MINDY4: variants seen among roughly 807,000 people sequenced by gnomAD.
MINDY4 encodes MINDY lysine 48 deubiquitinase 4, also known as probable ubiquitin carboxyl-terminal hydrolase MINDY-4.
In MINDY4, 68 loss-of-function variants were observed where a neutral mutation model predicts 87.0. That is an observed-to-expected ratio of 0.78 (90% CI 0.64 to 0.96). MINDY4 has a LOEUF of 0.96. Among genes scored for constraint, MINDY4 ranks in the 40% least tolerant of loss-of-function variants. MINDY4 has a pLI of 0.00. For missense variants in MINDY4, 919 were observed against 928.2 expected (o/e 0.99, Z 0.13); for synonymous variants, 379 against 363.2 (o/e 1.04, Z -0.50).
intron 5 of MINDY4, among the ~76,000 whole-genome samples, chr7:30,819,040 A>G (rs970586340): frequency 5.9e-5 from 9 of 152,058 alleles, no homozygotes; most frequent in African/African-American, 1.2e-4. Context: ...TGTTGAATCT[A>G]TTATTTTTTA....
chr7:30,840,674 G>A (rs1789002312), intron 8 of MINDY4, 86 bp from the exon 9 acceptor site: 4 of 1,130,138 alleles, frequency 3.5e-6, no homozygotes, highest in Admixed American at 2.0e-5. Context: ...TACTCTATCA[G>A]GTGGGTTCTG....
At chr7:30,839,835 C>T (rs1030102810) in intron 8 of MINDY4, among the ~76,000 whole-genome samples, 2 of 152,180 alleles carry the variant, frequency 1.3e-5, no homozygotes, top group African/African-American at 2.4e-5. Context: ...GCTGGGCCAG[C>T]GGAGGCCAAT....
intron 5 of MINDY4, among the ~76,000 whole-genome samples, chr7:30,796,121 C>CATTTTT (rs148191490): frequency 6.7e-6 from 1 of 149,850 alleles, no homozygotes. Context: ...GAGCACTGTA[C>CATTTTT]TTTTTTTTTT....
chr7:30,790,263 C>T (rs541897733), intron 4 of MINDY4, among the ~76,000 whole-genome samples: 7 of 152,170 alleles, frequency 4.6e-5, no homozygotes, highest in African/African-American at 1.7e-4. Context: ...AAGTACAGTG[C>T]ATGAGCCACA....
Position 30,828,812 on chromosome 7 carries a change from G to A in MINDY4, c.1132+75G>A, listed in dbSNP as rs1584285147. 1.3e-5 allele frequency: 19 copies of A among 1,500,678 alleles called. No individual in the cohort carries two copies. The East Asian group carries it at 3.8e-4, about 30-fold the overall frequency. The allele number at this position is 1,500,678 out of a possible 1,614,324, so 93.0% of individuals were successfully genotyped here. A position where few individuals can be genotyped will look rare whatever the true frequency, so the allele number is the denominator to read the frequency against. On this transcript the variant is annotated intron_variant, in intron 6 of 17. Transcript: ENST00000265299. Reference sequence around the variant, plus strand: ...CCTCGTTGGCTCTGTCTGGGAGATGGGTGGTCGGGGGCCCCTTTCCTTCCA... The same window carrying A: ...CCTCGTTGGCTCTGTCTGGGAGATGAGTGGTCGGGGGCCCCTTTCCTTCCA...
chr7:30,840,963 T>A (rs1319700714), intron 9 of MINDY4, 115 bp downstream of exon 9: 9 of 917,854 alleles, frequency 9.8e-6, no homozygotes, highest in Non-Finnish European at 1.5e-5. Context: ...CTTCTGCAGG[T>A]CAAGAAAGGA....
chr7:30,835,025 C>G (rs1207708901), intron 6 of MINDY4, among the ~76,000 whole-genome samples: 1 of 152,220 alleles, frequency 6.6e-6, no homozygotes, highest in Non-Finnish European at 1.5e-5. Flanking sequence ...CCAAACTGTT[C>G]CAGCTTCTGC....
At chr7:30,888,647 C>G (rs1329699778) in intron 17 of MINDY4, among the ~76,000 whole-genome samples, 1 of 152,166 alleles carries the variant, frequency 6.6e-6, no homozygotes, top group Non-Finnish European at 1.5e-5. Context: ...CCATTCCAAT[C>G]GGGGAACGAT....
intron 14 of MINDY4, among the ~76,000 whole-genome samples, chr7:30,875,261 A>G (rs1790224406): frequency 6.6e-6 from 1 of 152,162 alleles, no homozygotes; most frequent in Non-Finnish European, 1.5e-5. Context: ...GTACTCAAGG[A>G]GTGCTTGTGG....
intron 17 of MINDY4, among the ~76,000 whole-genome samples, chr7:30,883,997 G>T (rs892848436): frequency 2.6e-5 from 4 of 152,152 alleles, no homozygotes; most frequent in African/African-American, 9.7e-5. Context: ...GTGCTCCATG[G>T]TGTTTGTGCT....
chr7:30,876,794 G>A (rs1479771185), intron 15 of MINDY4, among the ~76,000 whole-genome samples: 1 of 152,068 alleles, frequency 6.6e-6, no homozygotes, highest in Non-Finnish European at 1.5e-5. Context: ...TGGAGGGTCC[G>A]GATGAGGCCT....
chr7:30,817,220 T>C (rs1010221930), intron 5 of MINDY4, among the ~76,000 whole-genome samples: 1 of 152,084 alleles, frequency 6.6e-6, no homozygotes, highest in Non-Finnish European at 1.5e-5. Flanking sequence ...AGGTGACGTC[T>C]AAGTGCCATC....
intron 15 of MINDY4, among the ~76,000 whole-genome samples, chr7:30,878,443 C>G (rs1790348315): frequency 6.6e-6 from 1 of 152,196 alleles, no homozygotes; most frequent in African/African-American, 2.4e-5. Flanking sequence ...CTGGCTGTGT[C>G]CTGCCGGACC....
intron 13 of MINDY4, among the ~76,000 whole-genome samples, chr7:30,859,895 T>C (rs552017055): frequency 7.2e-5 from 11 of 152,284 alleles, no homozygotes; most frequent in Admixed American, 2.6e-4. Context: ...AGGTGGAACA[T>C]GGTCCCCAGC....
chr7:30,776,991 C>CTT (rs1786839610), intron 1 of MINDY4, among the ~76,000 whole-genome samples: 3 of 66,946 alleles, frequency 4.5e-5, no homozygotes, highest in South Asian at 4.6e-4. Flanking sequence ...CTTTCCTTTT[C>CTT]TTCTTTCTTT....
At chr7:30,856,332 A>T (rs1448240851) in intron 12 of MINDY4, among the ~76,000 whole-genome samples, 2 of 152,094 alleles carry the variant, frequency 1.3e-5, no homozygotes, top group Non-Finnish European at 1.5e-5. Flanking sequence ...AAAAGTTTTA[A>T]AAAACAAAAT....
At chr7:30,817,057 A>G (rs1373016122) in intron 5 of MINDY4, among the ~76,000 whole-genome samples, 2 of 152,138 alleles carry the variant, frequency 1.3e-5, no homozygotes, top group Non-Finnish European at 2.9e-5. Flanking sequence ...TAATTTGAAA[A>G]ATGCATGTGA....
chr7:30,879,548 A>G (rs529021663), intron 15 of MINDY4, among the ~76,000 whole-genome samples: 1 of 152,252 alleles, frequency 6.6e-6, no homozygotes, highest in Admixed American at 6.5e-5. Flanking sequence ...CTCCCACCTC[A>G]GCCCGCACCA....
intron 5 of MINDY4, among the ~76,000 whole-genome samples, chr7:30,798,872 A>G (rs1329156410): frequency 6.6e-6 from 1 of 152,130 alleles, no homozygotes; most frequent in Non-Finnish European, 1.5e-5. Context: ...TTCAGGGTCC[A>G]TGTGCTTGCA....
Sources: gnomAD v4.1 joint callset for allele counts (sites outside exome capture counted in the v4.1 genomes callset) on GRCh38, gnomAD v4.1.1 for gene constraint, MANE v1.5 for transcripts, NCBI Gene and HGNC (gene_info 2026-07-23, HGNC 2026-07-21) for gene names.